Variants in CAPZB observed in about 807,000 individuals in gnomAD.
The protein encoded by CAPZB is F-actin-capping protein subunit beta.
A neutral mutation model predicts 38.1 loss-of-function variants in CAPZB; 2 were observed. The ratio of observed to expected loss-of-function variants is 0.05; its 90% confidence interval spans 0.02 to 0.17. The LOEUF (loss-of-function observed/expected upper bound fraction) is 0.17, where lower values mean the gene tolerates loss of function less well. CAPZB is among the 10% of genes least tolerant of loss of function. CAPZB has a pLI of 1.00. For synonymous variants in CAPZB, 107 were observed against 127.4 expected, an observed-to-expected ratio of 0.84 and a Z score of 1.08; for missense variants, 161 against 334.2, an observed-to-expected ratio of 0.48 and a Z score of 4.04.
chr1:19,475,263 A>T (rs1047839869), intron 1 of CAPZB, among the ~76,000 whole-genome samples: 3 of 152,222 alleles, frequency 2.0e-5, no homozygotes, highest in Admixed American at 2.0e-4. Flanking sequence ...CACAGAGTGA[A>T]GGGAACTGCC....
At chr1:19,415,709 GT>G (rs2094375986) in intron 2 of CAPZB, among the ~76,000 whole-genome samples, 2 of 152,096 alleles carry the variant, frequency 1.3e-5, no homozygotes, top group African/African-American at 4.8e-5. Context: ...TGTCAATATA[GT>G]TTTTTTTCAG....
At chr1:19,443,090 TA>T (rs1418279852) in intron 1 of CAPZB, among the ~76,000 whole-genome samples, 1 of 152,074 alleles carries the variant, frequency 6.6e-6, no homozygotes, top group African/African-American at 2.4e-5. Context: ...AACAGGATTT[TA>T]AAAATCCATT....
Position 19,381,979 on chromosome 1 carries a change from G to C in CAPZB, c.216-3326C>G, listed in dbSNP as rs185828728. Among the ~76,000 whole-genome samples, 359 of 152,220 alleles carry C rather than the reference G, an allele frequency of 2.4e-3. 2 individuals carry two copies. Among genetic ancestry groups the C allele is most frequent in the Non-Finnish European group, 3.6e-3 (242 of 68,016 alleles). ...GTGGATAAGAATCTGAGGGTGTGGA[G>C]CTGAATTCCCTCCTTCCCCTGGGTG... On this transcript the variant is annotated intron_variant, in intron 3 of 8. Transcript: ENST00000264202.
chr1:19,352,589 G>A (rs2093997521), intron 6 of CAPZB, among the ~76,000 whole-genome samples: 1 of 152,208 alleles, frequency 6.6e-6, no homozygotes, highest in South Asian at 2.1e-4. Flanking sequence ...CCCATGGGGG[G>A]CCACGTGGCA....
intron 2 of CAPZB, among the ~76,000 whole-genome samples, chr1:19,387,796 C>T (rs1418592801): frequency 1.3e-5 from 2 of 152,220 alleles, no homozygotes; most frequent in Non-Finnish European, 2.9e-5. Context: ...CATCTGGGTG[C>T]CCATGCCCAT....
intron 4 of CAPZB, among the ~76,000 whole-genome samples, chr1:19,375,588 C>T (rs891342761): frequency 1.3e-5 from 2 of 152,264 alleles, no homozygotes; most frequent in African/African-American, 4.8e-5. Flanking sequence ...CAACTGGGGG[C>T]AGGATGCTGT....
intron 1 of CAPZB, among the ~76,000 whole-genome samples, chr1:19,454,504 T>C (rs577697289): frequency 6.6e-6 from 1 of 152,258 alleles, no homozygotes; most frequent in Admixed American, 6.5e-5. Context: ...GCGCTTAGAG[T>C]AGTGGCACAT....
chr1:19,358,892 A>G (rs1189167495), intron 4 of CAPZB, among the ~76,000 whole-genome samples: 1 of 152,206 alleles, frequency 6.6e-6, no homozygotes, highest in Non-Finnish European at 1.5e-5. Flanking sequence ...GGGTGGGTAC[A>G]GGCTTGGGAG....
intron 3 of CAPZB, among the ~76,000 whole-genome samples, 171 bp downstream of exon 3, chr1:19,385,331 GAGA>G (rs1298304680): frequency 4.6e-5 from 7 of 152,170 alleles, no homozygotes; most frequent in Non-Finnish European, 1.0e-4. Context: ...ATGGAACGAT[GAGA>G]AGAATGGGGA....
chr1:19,447,947 TG>T (rs1467767691), intron 1 of CAPZB, among the ~76,000 whole-genome samples: 2 of 152,176 alleles, frequency 1.3e-5, no homozygotes, highest in Non-Finnish European at 2.9e-5. Flanking sequence ...CTCACTCCCC[TG>T]CACTCTAATA....
intron 4 of CAPZB, among the ~76,000 whole-genome samples, chr1:19,358,741 C>T (rs1220533436): frequency 3.3e-5 from 5 of 152,258 alleles, no homozygotes; most frequent in Admixed American, 2.0e-4. Flanking sequence ...TCTCATCTCT[C>T]GTGGTGAGCA....
At chr1:19,354,960 C>T (rs1323906284) in intron 6 of CAPZB, among the ~76,000 whole-genome samples, 1 of 152,102 alleles carries the variant, frequency 6.6e-6, no homozygotes, top group Non-Finnish European at 1.5e-5. Context: ...GGCTAAGTGC[C>T]CCCTGTGTGC....
intron 2 of CAPZB, among the ~76,000 whole-genome samples, chr1:19,392,109 G>A (rs2094239047): frequency 6.6e-6 from 1 of 151,968 alleles, no homozygotes; most frequent in African/African-American, 2.4e-5. Context: ...CTTGAATCTG[G>A]GAGATAGAGG....
Position 19,464,059 on chromosome 1 carries a change from C to T in CAPZB, c.3+21377G>A, listed in dbSNP as rs1033263631. Reference sequence around the variant, plus strand: ...AAAATTAGCTGGATGTGGTGGTGCACACCTGTAATCTCAGCTACTCAGGAG... The same window carrying T: ...AAAATTAGCTGGATGTGGTGGTGCATACCTGTAATCTCAGCTACTCAGGAG... On this transcript the variant is annotated intron_variant, in intron 1 of 8. Transcript: ENST00000264202. 6.7e-5 allele frequency among the ~76,000 whole-genome samples: 10 copies of T among 150,162 alleles called. 1 individual carries two copies. The highest frequency in any genetic ancestry group is 1.2e-4 in the Non-Finnish European group (8 of 67,634).
chr1:19,347,440 G>A (rs1245241811), intron 6 of CAPZB, among the ~76,000 whole-genome samples: 1 of 152,152 alleles, frequency 6.6e-6, no homozygotes, highest in Non-Finnish European at 1.5e-5. Flanking sequence ...AGGGCAGGAT[G>A]GAGCCTCTGC....
chr1:19,387,880 T>C (rs1351661041), intron 2 of CAPZB, among the ~76,000 whole-genome samples: 2 of 152,246 alleles, frequency 1.3e-5, no homozygotes, highest in African/African-American at 4.8e-5. Flanking sequence ...AATGCACGTA[T>C]GTTACTGCCT....
chr1:19,471,660 C>T (rs563329266), intron 1 of CAPZB, among the ~76,000 whole-genome samples: 4 of 152,142 alleles, frequency 2.6e-5, no homozygotes, highest in East Asian at 3.9e-4. Flanking sequence ...GTCAGGAGAT[C>T]AAGACCATCC....
At chr1:19,441,602 CG>C (rs2100640629) in intron 1 of CAPZB, among the ~76,000 whole-genome samples, 1 of 151,528 alleles carries the variant, frequency 6.6e-6, no homozygotes, top group Non-Finnish European at 1.5e-5. Flanking sequence ...CTCAGAACTA[CG>C]GAACTGAAGA....
intron 2 of CAPZB, among the ~76,000 whole-genome samples, chr1:19,402,410 C>A (rs1399876020): frequency 6.6e-6 from 1 of 152,214 alleles, no homozygotes; most frequent in Non-Finnish European, 1.5e-5. Flanking sequence ...TTGCAGGGAA[C>A]CTGCTGATCT....
Sources: allele counts gnomAD v4.1 joint callset (sites outside exome capture counted in the v4.1 genomes callset), GRCh38; gene constraint gnomAD v4.1.1; transcripts MANE v1.5; gene names NCBI Gene and HGNC (gene_info 2026-07-23, HGNC 2026-07-21).